The following DHX38 variants were observed in gnomAD, a reference collection of about 807,000 sequenced individuals.
DHX38 encodes the protein pre-mRNA-splicing factor ATP-dependent RNA helicase PRP16.
DHX38 carries 100 observed loss-of-function variants against 153.1 expected under a neutral mutation model. The ratio of observed to expected loss-of-function variants is 0.65; its 90% CI spans 0.56 to 0.77. The LOEUF (loss-of-function observed/expected upper bound fraction) is 0.77, where lower values mean the gene tolerates loss of function less well. Among genes scored for constraint, DHX38 ranks in the 30% least tolerant of loss-of-function variants. The pLI is 0.00. For missense variants in DHX38, 1,440 were observed against 1,654.0 expected (o/e 0.87, Z 2.24); for synonymous variants, 650 against 631.7 (o/e 1.03, Z -0.43).
Position 72,097,027 on chromosome 16 carries a change from G to T in DHX38, c.511+18G>T. On this transcript the variant is annotated intron_variant, in intron 3 of 26. Coordinates refer to ENST00000268482, the MANE Select transcript of DHX38 (RefSeq NM_014003.4). ...GGACAGAGGTAAACTGTCCAGCACA[G>T]TTCCTATTGTCCATTAGCATTCGAA... 2.5e-6 allele frequency: 4 copies of T among 1,592,554 alleles called. No homozygotes were observed. Among genetic ancestry groups the T allele is most frequent in the Non-Finnish European group, 3.4e-6 (4 of 1,167,260 alleles).
At position 72,104,319 on chromosome 16, in the gene DHX38, T is replaced by A. The variant is rs1051334177; in HGVS notation, c.2011-167T>A. On this transcript the variant is annotated intron_variant, in intron 14 of 26. Transcript: ENST00000268482. This position sits in a 1 kb window ranked among gnomAD's most constrained non-coding sequence, Gnocchi z 4.5. ...TTGCTCTGCTGAGGGTGGCTTGGGG[T>A]TTTCTGGGCAGTGGCTCCATTGCTT... 24 of 1,214,960 alleles carry A rather than the reference T, an allele frequency of 2.0e-5. No individual in the cohort carries two copies. In the Admixed American group the frequency reaches 5.9e-4, roughly 30 times the overall value. 75.3% of individuals were successfully genotyped at this position (1,214,960 alleles called of 1,614,324 possible).
chr16:72,108,181 C>T, intron 21 of DHX38, 46 bp from the exon 22 acceptor site: 3 of 1,604,770 alleles, frequency 1.9e-6, no homozygotes, highest in Non-Finnish European at 2.6e-6. Flanking sequence ...CTCAGTGGGC[C>T]TGGACCCCCC....
At position 72,100,734 on chromosome 16, in the gene DHX38, C is replaced by T. The variant is rs2042088351; in HGVS notation, c.1278+137C>T. The T allele has an allele frequency of 3.9e-6, 5 of 1,280,526 alleles. No homozygotes were observed. The South Asian group carries it at 5.7e-5, about 15-fold the overall frequency. 79.3% of individuals were successfully genotyped at this position (1,280,526 alleles called of 1,614,324 possible). A position where few individuals can be genotyped will look rare whatever the true frequency, so the allele number is the denominator to read the frequency against. The stretch of plus-strand genomic sequence containing the variant: ...TCATTGGATACCAGGAGTTCAAGGC[C>T]TGCCTGGGCAATATAGTGAAACCCT... On this transcript the variant is annotated intron_variant, in intron 9 of 26. Transcript: ENST00000268482.
intron 1 of DHX38, chr16:72,094,494 C>T (rs1216047453): frequency 2.0e-5 from 3 of 152,208 alleles, no homozygotes; most frequent in African/African-American, 4.8e-5. Context: ...TTGCTATCGC[C>T]GAGAACAGCA....
At chr16:72,098,824 C>T in intron 5 of DHX38, 32 bp downstream of exon 5, 1 of 1,613,106 alleles carries the variant, frequency 6.2e-7, no homozygotes, top group Non-Finnish European at 8.5e-7. Flanking sequence ...CCCAGTTTCG[C>T]TGGGTGGGCG....
chr16:72,109,719 C>A, intron 25 of DHX38: 1 of 434,350 alleles, frequency 2.3e-6, no homozygotes, highest in Non-Finnish European at 4.0e-6. Flanking sequence ...AACCAAAAAA[C>A]TCATTATTGA....
Position 72,100,444 on chromosome 16 carries a change from G to A in DHX38, c.1125G>A (p.Glu375=), listed in dbSNP as rs369600473. Residue 375 remains glutamate, a synonymous_variant, in exon 9 of 27, where the codon GAG becomes GAA. Transcript: ENST00000268482. The stretch of plus-strand genomic sequence containing the variant: ...CCATTGTGTCCTCACAGGATAACGA[G>A]CGCTGGGAGACAAACCGCATGCTCA... The part of the protein sequence containing the change: ...AQRRQINEDN[E]RWETNRMLTS... 4.3e-6 allele frequency: 7 copies of A among 1,613,900 alleles called. No individual in the cohort carries two copies. Among genetic ancestry groups the A allele is most frequent in the African/African-American group, 1.3e-5 (1 of 74,938 alleles).
In DHX38 at chr16:72,101,533, A is replaced by C; in HGVS notation, c.1420A>C (p.Lys474Gln). ...CAAACACTGGGAACTGGCGGGGACC[A>C]AACTGGGAGATATAATGGGCGTCAA... ...QHKHWELAGT[K>Q]LGDIMGVKKE... The change falls in exon 11 of 27, where the codon AAA becomes CAA. Residue 474 changes from lysine to glutamine, a missense_variant. Lys to Gln is a moderately conservative substitution (Grantham distance 53). Coordinates refer to ENST00000268482, the MANE Select transcript of DHX38 (RefSeq NM_014003.4). The C allele has an allele frequency of 6.4e-7, 1 of 1,552,090 alleles. No individual in the cohort carries two copies. Among genetic ancestry groups the C allele is most frequent in the Non-Finnish European group, 8.7e-7 (1 of 1,147,216 alleles).
chr16:72,103,793 G>C lies in DHX38; in HGVS notation c.1824+5G>C. ...GGGGGAAACCTTGGCGAGGAGGTGA[G>C]TGGGCGTGGGGGCTGAGCCATGTAG... is the stretch of plus-strand genomic sequence containing the variant. On this transcript the variant is annotated splice_donor_5th_base_variant and intron_variant, in intron 13 of 26. Transcript: ENST00000268482. 1.9e-6 allele frequency: 3 copies of C among 1,608,606 alleles called. No homozygotes were observed. Among genetic ancestry groups the C allele is most frequent in the Non-Finnish European group, 2.6e-6 (3 of 1,175,282 alleles).
At chr16:72,106,170 G>C (rs537915370) in intron 19 of DHX38, 53 bp downstream of exon 19, 10 of 1,570,464 alleles carry the variant, frequency 6.4e-6, no homozygotes. Flanking sequence ...GTTGCTGAGC[G>C]TGGAGCCCGG....
chr16:72,099,217 G>T lies in DHX38; in HGVS notation c.897G>T (p.Glu299Asp). 6.2e-7 allele frequency: 1 copy of T among 1,611,892 alleles called. No individual in the cohort carries two copies. Among genetic ancestry groups the T allele is most frequent in the East Asian group, 2.2e-5 (1 of 44,852 alleles). Residue 299 changes from glutamate (E) to aspartate (D), a missense_variant, in exon 7 of 27, where the codon GAG becomes GAT. Glu to Asp is a conservative substitution (Grantham distance 45). This residue lies in a region of DHX38 where 483 missense variants were observed against 465.1 expected (regional missense o/e 1.04). Coordinates refer to ENST00000268482, the MANE Select transcript of DHX38 (RefSeq NM_014003.4). ...GTGCTCCTCCAGGAAGACGTGAGGA[G>T]GGCGAAGAAGGAATTTCATTTGACA... ...RLSRGRGRRE[E>D]GEEGISFDTE...
At chr16:72,097,034 T>C (rs1196723978) in intron 3 of DHX38, 25 bp downstream of exon 3, 2 of 1,589,944 alleles carry the variant, frequency 1.3e-6, no homozygotes, top group Non-Finnish European at 1.7e-6. Context: ...ACAGTTCCTA[T>C]TGTCCATTAG....
intron 4 of DHX38, 100 bp downstream of exon 4, chr16:72,097,881 A>G (rs184925614): frequency 8.8e-7 from 1 of 1,136,106 alleles, no homozygotes; most frequent in African/African-American, 1.5e-5. Context: ...TTGAGTCAGA[A>G]TTCCCGATTC....
intron 19 of DHX38, among the ~76,000 whole-genome samples, chr16:72,106,960 G>GGA (rs2042186588): frequency 6.6e-6 from 1 of 152,090 alleles, no homozygotes; most frequent in Non-Finnish European, 1.5e-5. Context: ...CACAAGGTCA[G>GGA]GAGTTTGAGA....
rs1167447709 is a variant in DHX38 at position 72,105,556 on chromosome 16, A to G, written c.2419A>G (p.Ile807Val). 1.2e-6 allele frequency: 2 copies of G among 1,613,938 alleles called. No homozygotes were observed. Among genetic ancestry groups the G allele is most frequent in the Admixed American group, 1.7e-5 (1 of 59,998 alleles). Residue 807 changes from isoleucine to valine, a missense_variant, in exon 18 of 27, where the codon ATT (isoleucine) becomes GTT (valine). Ile to Val is a conservative substitution (Grantham distance 29). Transcript: ENST00000268482. ...GVRKCIVATN[I>V]AETSLTVDGI... ...TCGGAAGTGCATCGTTGCCACCAAT[A>G]TTGCCGAGACGTCTCTCACTGTTGA... is the stretch of plus-strand genomic sequence containing the variant.
At chr16:72,098,063 A>G (rs899752794) in intron 4 of DHX38, among the ~76,000 whole-genome samples, 2 of 152,204 alleles carry the variant, frequency 1.3e-5, no homozygotes, top group African/African-American at 4.8e-5. Context: ...AAAAAGAACT[A>G]CTTATATCCA....
rs2042233422 is a variant in DHX38, at chr16:72,109,740, T to G, written c.3477+230T>G. The G allele has an allele frequency of 8.0e-6, 3 of 375,448 alleles. No individual in the cohort carries two copies. The East Asian group carries it at 1.7e-4, about 22-fold the overall frequency. 23.3% of individuals were successfully genotyped at this position (375,448 alleles called of 1,614,324 possible). A position where few individuals can be genotyped will look rare whatever the true frequency, so the allele number is the denominator to read the frequency against. On this transcript the variant is annotated intron_variant, in intron 25 of 26. Coordinates refer to ENST00000268482, the MANE Select transcript of DHX38 (RefSeq NM_014003.4). The stretch of plus-strand genomic sequence containing the variant: ...AAAACTCATTATTGAAAAGTCCAAA[T>G]ATTCATGAAAGTGGGAAAAACAGTA...
intron 12 of DHX38, 38 bp downstream of exon 12, chr16:72,103,249 C>A: frequency 1.2e-6 from 2 of 1,600,500 alleles, no homozygotes; most frequent in South Asian, 2.2e-5. Flanking sequence ...AGTGTCAAGT[C>A]AGGGGTGCCC....
rs1438715249 is a variant in DHX38 at position 72,104,722 on chromosome 16, G to A, written c.2151+96G>A. On this transcript the variant is annotated intron_variant, in intron 15 of 26. Coordinates refer to ENST00000268482, the MANE Select transcript of DHX38 (RefSeq NM_014003.4). The surrounding 1 kb of genome is among the most constrained non-coding windows in gnomAD (Gnocchi z 4.5). Reference sequence around the variant, plus strand: ...GGGTGGAGGGTGGGTAGGGGACTGGGTTGGAGAAGATTTCCTGGGGACCAT... The same window carrying A: ...GGGTGGAGGGTGGGTAGGGGACTGGATTGGAGAAGATTTCCTGGGGACCAT... 2 of 1,553,226 alleles carry A rather than the reference G, an allele frequency of 1.3e-6. No individual in the cohort carries two copies. The highest frequency in any genetic ancestry group is 2.3e-5 in the South Asian group (2 of 85,128).
Sources: gnomAD v4.1 joint callset for allele counts (sites outside exome capture counted in the v4.1 genomes callset) on GRCh38, gnomAD v4.1.1 for gene constraint, gnomAD v4.1.1 regional missense constraint, Gnocchi (gnomAD v3.1) non-coding constraint, MANE v1.5 for transcripts, NCBI Gene and HGNC (gene_info 2026-07-23, HGNC 2026-07-21) for gene names.